Variants in MAP2K5 observed in about 807,000 individuals in gnomAD.
MAP2K5 encodes the protein mitogen-activated protein kinase kinase 5.
MAP2K5 carries 49 observed loss-of-function variants against 83.1 expected under a neutral mutation model. The observed-to-expected ratio is 0.59, with a 90% CI of 0.47 to 0.75. The LOEUF is 0.75. MAP2K5 is among the 30% of genes least tolerant of loss of function. MAP2K5 has a pLI of 0.00. For missense variants in MAP2K5, 457 were observed against 557.5 expected (o/e 0.82, Z 1.82); for synonymous variants, 202 against 191.8 (o/e 1.05, Z -0.44).
chr15:67,605,009 A>G (rs1232439356), intron 8 of MAP2K5, among the ~76,000 whole-genome samples: 2 of 151,972 alleles, frequency 1.3e-5, no homozygotes, highest in Non-Finnish European at 2.9e-5. Context: ...TAATAGAAAA[A>G]TTATTTACAT....
intron 21 of MAP2K5, among the ~76,000 whole-genome samples, chr15:67,799,454 G>A (rs971246397): frequency 2.0e-5 from 3 of 152,274 alleles, no homozygotes; most frequent in Non-Finnish European, 1.5e-5. Flanking sequence ...AACCCACTCC[G>A]GGAGGAAGAG....
At chr15:67,716,779 G>C (rs918707175) in intron 16 of MAP2K5, among the ~76,000 whole-genome samples, 1 of 152,090 alleles carries the variant, frequency 6.6e-6, no homozygotes, top group African/African-American at 2.4e-5. Context: ...CTCTTGCTCA[G>C]TGTCATTCTA....
chr15:67,603,989 T>C (rs1333042175), intron 8 of MAP2K5, among the ~76,000 whole-genome samples: 2 of 152,382 alleles, frequency 1.3e-5, no homozygotes, highest in African/African-American at 2.4e-5. Flanking sequence ...TGCAGTCTTA[T>C]TCACTTCACT....
chr15:67,632,550 G>T (rs2086498938), intron 9 of MAP2K5, among the ~76,000 whole-genome samples: 1 of 152,214 alleles, frequency 6.6e-6, no homozygotes, highest in Admixed American at 6.5e-5. Context: ...ATGTTCATCT[G>T]CCTCCAAAGC....
chr15:67,548,479 G>T (rs1210798376), intron 1 of MAP2K5, among the ~76,000 whole-genome samples: 1 of 152,208 alleles, frequency 6.6e-6, no homozygotes, highest in Admixed American at 6.5e-5. Flanking sequence ...CACTAATATG[G>T]CACTTGCCAT....
At position 67,774,442 on chromosome 15, in the gene MAP2K5, C is replaced by T. The variant is rs2090201427; in HGVS notation, c.1242+1690C>T. On this transcript the variant is annotated intron_variant, in intron 21 of 21. Coordinates refer to ENST00000178640, the MANE Select transcript of MAP2K5 (RefSeq NM_145160.3). The surrounding 1 kb of genome is among the most constrained non-coding windows in gnomAD (Gnocchi z 4.9). Reference sequence around the variant, plus strand: ...GAGGCACCACTGCTTTGGCAGGGCTCAGTGAGGAGGCAGGGAACAATAGAC... The same window carrying T: ...GAGGCACCACTGCTTTGGCAGGGCTTAGTGAGGAGGCAGGGAACAATAGAC... Among the ~76,000 whole-genome samples the T allele has an allele frequency of 6.6e-6, 1 of 151,952 alleles. No individual in the cohort carries two copies. Among genetic ancestry groups the T allele is most frequent in the Admixed American group, 6.6e-5 (1 of 15,246 alleles).
At chr15:67,635,224 C>T (rs73441671) in intron 9 of MAP2K5, among the ~76,000 whole-genome samples, 22,336 of 143,244 alleles carry the variant, frequency 0.16, 2,093 homozygotes, top group African/African-American at 0.28. Context: ...CTCGCTCTGT[C>T]GCCTAGGCTG....
At position 67,748,465 on chromosome 15, in the gene MAP2K5, T is replaced by C; in HGVS notation, c.1102-104T>C. 1 of 1,010,048 alleles carries C rather than the reference T, an allele frequency of 9.9e-7. No homozygotes were observed. Among genetic ancestry groups the C allele is most frequent in the Non-Finnish European group, 1.5e-6 (1 of 662,016 alleles). The allele number at this position is 1,010,048 out of a possible 1,614,324, so 62.6% of individuals were successfully genotyped here. Reference sequence around the variant, plus strand: ...TTTATAAGAGTTTGCTGTTGTTGATTAATCTTGCTATATTTTATTGCATTA... The same window carrying C: ...TTTATAAGAGTTTGCTGTTGTTGATCAATCTTGCTATATTTTATTGCATTA... On this transcript the variant is annotated intron_variant, in intron 18 of 21. Transcript: ENST00000178640. This position sits in a 1 kb window ranked among gnomAD's most constrained non-coding sequence, Gnocchi z 4.0.
rs2089055243 is a variant in MAP2K5 at position 67,724,901 on chromosome 15, C to T, written c.1045-3015C>T. 6.6e-6 allele frequency among the ~76,000 whole-genome samples: 1 copy of T among 152,222 alleles called. No homozygotes were observed. Among genetic ancestry groups the T allele is most frequent in the African/African-American group, 2.4e-5 (1 of 41,458 alleles). ...ACTCTGTAAGAGAGGAAGTGATTGT[C>T]ATCATGCTGCAATTGCAGCGGTACC... is the stretch of plus-strand genomic sequence containing the variant. On this transcript the variant is annotated intron_variant, in intron 16 of 21. Coordinates refer to ENST00000178640, the MANE Select transcript of MAP2K5 (RefSeq NM_145160.3). The surrounding 1 kb of genome is among the most constrained non-coding windows in gnomAD (Gnocchi z 4.4).
chr15:67,629,156 G>A lies in MAP2K5; in HGVS notation c.546-1732G>A, dbSNP rs1032699524. 6.3e-5 allele frequency: 45 copies of A among 714,752 alleles called. 1 individual carries two copies. Among genetic ancestry groups the A allele is most frequent in the Admixed American group, 5.3e-4 (30 of 56,874 alleles). The allele number at this position is 714,752 out of a possible 1,614,324, so 44.3% of individuals were successfully genotyped here. Reference sequence around the variant, plus strand: ...TTTAATTATTGCCAGGAAACAAAGCGTAGCAAAAGAGGAGAGCTAGAGAAG... The same window carrying A: ...TTTAATTATTGCCAGGAAACAAAGCATAGCAAAAGAGGAGAGCTAGAGAAG... On this transcript the variant is annotated intron_variant, in intron 8 of 21. Coordinates refer to ENST00000178640, the MANE Select transcript of MAP2K5 (RefSeq NM_145160.3).
chr15:67,647,128 A>G (rs1483610221), intron 11 of MAP2K5, among the ~76,000 whole-genome samples: 1 of 152,190 alleles, frequency 6.6e-6, no homozygotes, highest in Non-Finnish European at 1.5e-5. Flanking sequence ...AGTTTTCCAT[A>G]GTCTAGTCCA....
chr15:67,728,206 G>A (rs1794137203), intron 17 of MAP2K5, among the ~76,000 whole-genome samples: 1 of 151,734 alleles, frequency 6.6e-6, no homozygotes, highest in Non-Finnish European at 1.5e-5. Context: ...TTTTTTCCTG[G>A]TCCAATACCA....
chr15:67,784,826 A>G (rs1480134629), intron 21 of MAP2K5, among the ~76,000 whole-genome samples: 1 of 152,158 alleles, frequency 6.6e-6, no homozygotes, highest in African/African-American at 2.4e-5. Context: ...CCAAGAGATG[A>G]TGTTCCTCAA....
chr15:67,557,107 A>G (rs2084642975), intron 2 of MAP2K5, among the ~76,000 whole-genome samples: 1 of 152,084 alleles, frequency 6.6e-6, no homozygotes, highest in African/African-American at 2.4e-5. Flanking sequence ...ACCCCTGCTG[A>G]TTTTCACAGT....
Position 67,785,606 on chromosome 15 carries a change from A to G in MAP2K5, c.1242+12854A>G, listed in dbSNP as rs2090402379. Reference sequence around the variant, plus strand: ...GAGGGGAAACAGCAAGGAGAAGACAACCCACAGATGTCCACACCAACACAG... The same window carrying G: ...GAGGGGAAACAGCAAGGAGAAGACAGCCCACAGATGTCCACACCAACACAG... On this transcript the variant is annotated intron_variant, in intron 21 of 21. Coordinates refer to ENST00000178640, the MANE Select transcript of MAP2K5 (RefSeq NM_145160.3). The surrounding 1 kb of genome is among the most constrained non-coding windows in gnomAD (Gnocchi z 4.4). 6.6e-6 allele frequency among the ~76,000 whole-genome samples: 1 copy of G among 152,140 alleles called. No homozygotes were observed. The highest frequency in any genetic ancestry group is 1.5e-5 in the Non-Finnish European group (1 of 68,018).
intron 2 of MAP2K5, among the ~76,000 whole-genome samples, chr15:67,560,195 G>A (rs2084705657): frequency 6.6e-6 from 1 of 152,200 alleles, no homozygotes; most frequent in Non-Finnish European, 1.5e-5. Context: ...TTAGAGAGAA[G>A]TGCATTTTTG....
chr15:67,746,375 T>C lies in MAP2K5; in HGVS notation c.1075-1856T>C, dbSNP rs2089605772. 6.6e-6 allele frequency among the ~76,000 whole-genome samples: 1 copy of C among 152,190 alleles called. No homozygotes were observed. The highest frequency in any genetic ancestry group is 1.5e-5 in the Non-Finnish European group (1 of 68,026). ...TGTCAGAAATGGATTTCTGATTCTTTATTCATTACAAATAACTCCGTTGTT... is the reference window on the plus strand; with the variant it reads ...TGTCAGAAATGGATTTCTGATTCTTCATTCATTACAAATAACTCCGTTGTT... On this transcript the variant is annotated intron_variant, in intron 17 of 21. Transcript: ENST00000178640. This position sits in a 1 kb window ranked among gnomAD's most constrained non-coding sequence, Gnocchi z 4.1.
chr15:67,696,855 T>C (rs765211901), intron 15 of MAP2K5, among the ~76,000 whole-genome samples: 4 of 152,198 alleles, frequency 2.6e-5, no homozygotes, highest in African/African-American at 9.7e-5. Context: ...GGTGCATGCC[T>C]GTAATCCCAG....
At chr15:67,645,903 T>C (rs1218699396) in intron 9 of MAP2K5, among the ~76,000 whole-genome samples, 1 of 152,166 alleles carries the variant, frequency 6.6e-6, no homozygotes, top group African/African-American at 2.4e-5. Flanking sequence ...TATGCTCCTC[T>C]TTTGAAAATA....
Sources: allele counts gnomAD v4.1 joint callset (sites outside exome capture counted in the v4.1 genomes callset), GRCh38; gene constraint gnomAD v4.1.1; non-coding constraint Gnocchi (gnomAD v3.1); transcripts MANE v1.5; gene names NCBI Gene and HGNC (gene_info 2026-07-23, HGNC 2026-07-21).